The following BTD variants were observed in gnomAD, a reference collection of about 807,000 sequenced individuals.
BTD encodes biotinidase.
Under a neutral mutation model 17.7 loss-of-function variants are expected in BTD, and 13 were observed. The ratio of observed to expected loss-of-function variants is 0.74; its 90% CI spans 0.48 to 1.17. The LOEUF is 1.17. Among genes scored for constraint, BTD ranks in the 50% most tolerant of loss-of-function variants. The pLI is 0.00. For missense variants in BTD, 674 were observed against 650.4 expected (o/e 1.04, Z -0.39); for synonymous variants, 240 against 245.2 (o/e 0.98, Z 0.20).
intron 3 of BTD, among the ~76,000 whole-genome samples, chr3:15,673,355 C>T (rs537541547): frequency 6.6e-6 from 1 of 152,330 alleles, no homozygotes; most frequent in South Asian, 2.1e-4. Flanking sequence ...GAAGTTAGTA[C>T]AGTGCTTGGC....
At chr3:15,687,801 G>C (rs1206709111) in intron 3 of BTD, among the ~76,000 whole-genome samples, 1 of 152,170 alleles carries the variant, frequency 6.6e-6, no homozygotes, top group Non-Finnish European at 1.5e-5. Context: ...AGAAGAACTT[G>C]TTTGGCCCAT....
intron 1 of BTD, chr3:15,606,720 T>C (rs981609313): frequency 2.6e-5 from 4 of 152,232 alleles, no homozygotes; most frequent in Non-Finnish European, 4.4e-5. Context: ...GGATGCAGTG[T>C]TCAATTGTTA....
At chr3:15,697,057 G>A (rs1308056842) in intron 3 of BTD, among the ~76,000 whole-genome samples, 1 of 152,116 alleles carries the variant, frequency 6.6e-6, no homozygotes, top group Non-Finnish European at 1.5e-5. Flanking sequence ...ATCTATCAAC[G>A]AACGAGTGCG....
intron 4 of BTD, among the ~76,000 whole-genome samples, chr3:15,719,839 G>C (rs957962927): frequency 3.3e-5 from 5 of 152,050 alleles, no homozygotes; most frequent in Admixed American, 3.3e-4. Context: ...ACAAGCGTGA[G>C]CCAGACTGTA....
intron 3 of BTD, among the ~76,000 whole-genome samples, chr3:15,704,269 G>A (rs934018432): frequency 3.9e-5 from 6 of 152,038 alleles, no homozygotes; most frequent in Non-Finnish European, 8.8e-5. Context: ...TCAGGACAAT[G>A]GGGGTAACAA....
chr3:15,708,469 AAAGGT>A (rs1296121924), intron 3 of BTD, among the ~76,000 whole-genome samples: 11 of 152,174 alleles, frequency 7.2e-5, no homozygotes, highest in East Asian at 3.9e-4. Flanking sequence ...AAGAAGAACA[AAAGGT>A]AAGAGAAAAA....
At chr3:15,656,351 C>T (rs1307622742), downstream of BTD, among the ~76,000 whole-genome samples, 2 of 152,202 alleles carry the variant, frequency 1.3e-5, no homozygotes, top group Non-Finnish European at 2.9e-5. Flanking sequence ...CACCACTGTA[C>T]CTCACGTCCC....
At chr3:15,604,106 G>A (rs2064367808) in intron 1 of BTD, among the ~76,000 whole-genome samples, 1 of 152,212 alleles carries the variant, frequency 6.6e-6, no homozygotes, top group Admixed American at 6.5e-5. Context: ...GCCCCAGGAG[G>A]GACTCTGTAT....
intron 3 of BTD, among the ~76,000 whole-genome samples, chr3:15,705,318 C>T (rs75796722): frequency 0.025 from 3,778 of 152,076 alleles, 160 homozygotes; most frequent in African/African-American, 0.085. Context: ...TATGTTATTC[C>T]TTTGTGGTTT....
chr3:15,618,418 C>G (rs1208202071), intron 1 of BTD, among the ~76,000 whole-genome samples: 1 of 152,142 alleles, frequency 6.6e-6, no homozygotes, highest in Non-Finnish European at 1.5e-5. Flanking sequence ...TGATTTCTTT[C>G]AACAGAGTTT....
At position 15,601,846 on chromosome 3, in the gene BTD, G is replaced by A. The variant is rs199516128; in HGVS notation, c.-65G>A. 1.2e-6 allele frequency: 2 copies of A among 1,614,232 alleles called. No homozygotes were observed. Among genetic ancestry groups the A allele is most frequent in the Admixed American group, 3.3e-5 (2 of 60,030 alleles). Reference sequence around the variant, plus strand: ...CTGGAGCGTTTTCGGGGCTGTAAAGGGAGAATGGCGCATGCGCATATTCAG... The same window carrying A: ...CTGGAGCGTTTTCGGGGCTGTAAAGAGAGAATGGCGCATGCGCATATTCAG... On this transcript the variant is annotated 5_prime_UTR_variant, in exon 1 of 4. Transcript: ENST00000643237.
intron 1 of BTD, chr3:15,606,925 G>T (rs182240997): frequency 6.7e-6 from 1 of 148,652 alleles, no homozygotes; most frequent in South Asian, 2.1e-4. Context: ...TTTATGCACC[G>T]ACCCTTTTTT....
At chr3:15,604,744 G>T (rs1484195723) in intron 1 of BTD, among the ~76,000 whole-genome samples, 1 of 152,150 alleles carries the variant, frequency 6.6e-6, no homozygotes, top group African/African-American at 2.4e-5. Context: ...CAAGTTCAAA[G>T]TTCCACAGAT....
At chr3:15,713,631 G>C, downstream of BTD, 1 of 1,603,244 alleles carries the variant, frequency 6.2e-7, no homozygotes, top group East Asian at 2.3e-5. Context: ...CCTCACAGTC[G>C]ATTACAGCTC....
chr3:15,706,539 A>G (rs557243160), intron 3 of BTD, among the ~76,000 whole-genome samples: 1,640 of 152,214 alleles, frequency 0.011, 13 homozygotes, highest in Non-Finnish European at 0.015. Flanking sequence ...GAATAGTGTC[A>G]CAATAAACAT....
At position 15,680,016 on chromosome 3, in the gene BTD, A is replaced by G. The variant is rs1054856684; in HGVS notation, c.400-30044A>G. Among the ~76,000 whole-genome samples the G allele has an allele frequency of 2.2e-4, 34 of 152,304 alleles. 5 individuals are homozygous for G. Among genetic ancestry groups the G allele is most frequent in the Admixed American group, 9.8e-4 (15 of 15,302 alleles). ...ATATGCAAATACTATCCCATTTTCT[A>G]TAAGGGACTTGAGCGCCTGTTGGTT... On this transcript the variant is annotated intron_variant, in intron 3 of 3. Coordinates refer to the BTD transcript ENST00000672141.
In BTD at chr3:15,688,036, A is replaced by AATAG. The variant is rs1399513553; in HGVS notation, c.400-22019_400-22016dup. 3.3e-5 allele frequency among the ~76,000 whole-genome samples: 5 copies of AATAG among 152,348 alleles called. No individual in the cohort carries two copies. The East Asian group carries it at 9.6e-4, about 29-fold the overall frequency. ...ATAGATACAAGGCTTGCATTTATTG[A>AATAG]ATAGATAGGCACTAAGAGTAACCTG... On this transcript the variant is annotated intron_variant, in intron 3 of 3. Coordinates refer to the BTD transcript ENST00000672141.
intron 3 of BTD, among the ~76,000 whole-genome samples, chr3:15,672,584 G>A (rs934849915): frequency 6.6e-6 from 1 of 152,150 alleles, no homozygotes. Context: ...AAGTAGCTGG[G>A]GGAGTGCTTC....
At chr3:15,687,029 C>G (rs577934711) in intron 3 of BTD, among the ~76,000 whole-genome samples, 2 of 151,712 alleles carry the variant, frequency 1.3e-5, no homozygotes, top group South Asian at 4.2e-4. Context: ...CTGCAACTTC[C>G]GCCTCCTGGG....
Sources: allele counts gnomAD v4.1 joint callset (sites outside exome capture counted in the v4.1 genomes callset), GRCh38; gene constraint gnomAD v4.1.1; transcripts MANE v1.5; gene names NCBI Gene and HGNC (gene_info 2026-07-23, HGNC 2026-07-21).